The following GAB2 variants were observed in gnomAD, a reference collection of about 807,000 sequenced individuals.
GAB2 encodes the protein GRB2 associated binding protein 2.
A neutral mutation model predicts 65.5 loss-of-function variants in GAB2; 26 were observed. That is an observed-to-expected ratio of 0.40 (90% confidence interval 0.29 to 0.55). GAB2 has a LOEUF of 0.55. Among genes scored for constraint, GAB2 ranks in the 20% least tolerant of loss-of-function variants. The pLI is 0.53. For synonymous variants in GAB2, 321 were observed against 329.6 expected (o/e 0.97, Z 0.28); for missense variants, 884 against 875.8 (o/e 1.01, Z -0.12).
chr11:78,231,336 G>GGGGTGTGTGTGTGT (rs1554975138), intron 3 of GAB2, among the ~76,000 whole-genome samples: 2 of 145,796 alleles, frequency 1.4e-5, no homozygotes, highest in Non-Finnish European at 3.0e-5. Flanking sequence ...GCGCGTGTGT[G>GGGGTGTGTGTGTGT]GTGTGTGTGT....
intron 1 of GAB2, among the ~76,000 whole-genome samples, chr11:78,331,379 G>A (rs185102889): frequency 1.3e-5 from 2 of 151,496 alleles, no homozygotes; most frequent in Non-Finnish European, 2.9e-5. Context: ...CCCAGTAGCT[G>A]GGACTACAGT....
At chr11:78,255,135 C>T (rs1865562553) in intron 2 of GAB2, among the ~76,000 whole-genome samples, 1 of 151,970 alleles carries the variant, frequency 6.6e-6, no homozygotes, top group Non-Finnish European at 1.5e-5. Context: ...AACACAAAGG[C>T]AGAATACCAT....
intron 1 of GAB2, among the ~76,000 whole-genome samples, chr11:78,373,553 A>G (rs1856598200): frequency 6.6e-6 from 1 of 152,122 alleles, no homozygotes; most frequent in Non-Finnish European, 1.5e-5. Flanking sequence ...ATGACTTTTT[A>G]AATCAAATAA....
intron 3 of GAB2, among the ~76,000 whole-genome samples, chr11:78,237,868 T>A (rs1184920341): frequency 6.6e-6 from 1 of 152,194 alleles, no homozygotes; most frequent in African/African-American, 2.4e-5. Flanking sequence ...AGAGATCATG[T>A]CCTTTGCAGG....
At chr11:78,332,048 A>C (rs1029958062) in intron 1 of GAB2, among the ~76,000 whole-genome samples, 1 of 152,160 alleles carries the variant, frequency 6.6e-6, no homozygotes, top group Admixed American at 6.5e-5. Context: ...AAAGACAAGA[A>C]AGGCAGCTTT....
chr11:78,352,956 C>T (rs1218559207), intron 1 of GAB2, among the ~76,000 whole-genome samples: 1 of 152,158 alleles, frequency 6.6e-6, no homozygotes. Context: ...ATCCTGCAAC[C>T]TCTATTATAT....
chr11:78,269,775 G>T (rs1054498896), intron 2 of GAB2, among the ~76,000 whole-genome samples: 1 of 152,224 alleles, frequency 6.6e-6, no homozygotes, highest in African/African-American at 2.4e-5. Flanking sequence ...TAGAGAAAAG[G>T]TGGGGAAGAT....
At chr11:78,411,529 G>A (rs1252572094) in intron 1 of GAB2, among the ~76,000 whole-genome samples, 1 of 152,124 alleles carries the variant, frequency 6.6e-6, no homozygotes, top group Admixed American at 6.6e-5. Flanking sequence ...GACCAAAACA[G>A]AGACAACAGA....
intron 1 of GAB2, among the ~76,000 whole-genome samples, chr11:78,295,338 T>C (rs1591010194): frequency 6.6e-6 from 1 of 152,226 alleles, no homozygotes; most frequent in East Asian, 1.9e-4. Flanking sequence ...TGTAACCATA[T>C]GTCCGAACCA....
intron 1 of GAB2, among the ~76,000 whole-genome samples, chr11:78,297,503 G>C (rs1866866888): frequency 6.6e-6 from 1 of 151,980 alleles, no homozygotes; most frequent in African/African-American, 2.4e-5. Context: ...AAGGACCCAG[G>C]ACACAGCAGT....
At chr11:78,375,898 G>C (rs1478001869) in intron 1 of GAB2, among the ~76,000 whole-genome samples, 1 of 152,180 alleles carries the variant, frequency 6.6e-6, no homozygotes, top group Non-Finnish European at 1.5e-5. Flanking sequence ...CCTGCCAGAT[G>C]TGCTCAGACC....
At chr11:78,395,405 G>C (rs981097442) in intron 1 of GAB2, among the ~76,000 whole-genome samples, 6 of 152,222 alleles carry the variant, frequency 3.9e-5, no homozygotes, top group Non-Finnish European at 5.9e-5. Flanking sequence ...AGTGAGCTCA[G>C]ATCATGCCAC....
At chr11:78,389,474 T>C (rs1441449714) in intron 1 of GAB2, among the ~76,000 whole-genome samples, 1 of 152,050 alleles carries the variant, frequency 6.6e-6, no homozygotes, top group Non-Finnish European at 1.5e-5. Context: ...ACCCAGCTAA[T>C]TTTTTGTATT....
intron 1 of GAB2, among the ~76,000 whole-genome samples, chr11:78,364,680 G>A (rs922308455): frequency 3.3e-5 from 5 of 152,060 alleles, no homozygotes; most frequent in African/African-American, 1.2e-4. Flanking sequence ...TAACAACTAT[G>A]ATAGCAAATG....
At chr11:78,248,611 TAGG>T (rs1282666876) in intron 3 of GAB2, among the ~76,000 whole-genome samples, 1 of 152,224 alleles carries the variant, frequency 6.6e-6, no homozygotes. Context: ...GGATGGGGCA[TAGG>T]AAGAACAGGT....
intron 1 of GAB2, among the ~76,000 whole-genome samples, chr11:78,408,698 T>C (rs536906664): frequency 1.3e-5 from 2 of 152,228 alleles, no homozygotes; most frequent in East Asian, 1.9e-4. Context: ...TGGGAAATGA[T>C]TGGATTATGG....
intron 2 of GAB2, chr11:78,280,353 AC>A: frequency 1.9e-6 from 1 of 522,290 alleles, no homozygotes; most frequent in Non-Finnish European, 3.4e-6. Context: ...GTGTTGAGGC[AC>A]CTAAGGAAAC....
chr11:78,285,249 G>A (rs1866446996), intron 1 of GAB2, among the ~76,000 whole-genome samples: 3 of 152,222 alleles, frequency 2.0e-5, no homozygotes, highest in Admixed American at 1.3e-4. Context: ...TCTCTGGTAT[G>A]CAGGTGCAAG....
In GAB2 at chr11:78,309,173, G is replaced by A. The variant is rs1855434920; in HGVS notation, c.76-28272C>T. ...TGCCAGATAAAAGTTTCAAGCTTGG[G>A]AGATCAGATGACAGGTAGGGAAATA... is the stretch of plus-strand genomic sequence containing the variant. On this transcript the variant is annotated intron_variant, in intron 1 of 9. Transcript: ENST00000361507. Among the ~76,000 whole-genome samples the A allele has an allele frequency of 2.6e-5, 4 of 152,178 alleles. No homozygotes were observed. The South Asian group carries it at 8.3e-4, about 31-fold the overall frequency.
Sources: allele counts gnomAD v4.1 joint callset (sites outside exome capture counted in the v4.1 genomes callset), GRCh38; gene constraint gnomAD v4.1.1; transcripts MANE v1.5; gene names NCBI Gene and HGNC (gene_info 2026-07-23, HGNC 2026-07-21).